The following PDS5A variants were observed in gnomAD, a reference collection of about 807,000 sequenced individuals.
The protein encoded by PDS5A is PDS5 cohesin associated factor A, also known as sister chromatid cohesion protein PDS5 homolog A.
Under a neutral mutation model 167.1 loss-of-function variants are expected in PDS5A, and 42 were observed. That is an observed-to-expected ratio of 0.25 (90% confidence interval 0.20 to 0.33). The LOEUF (loss-of-function observed/expected upper bound fraction) is 0.33, where lower values mean the gene tolerates loss of function less well. Ranked by LOEUF, PDS5A falls within the 10% of genes least tolerant of loss-of-function variation. The probability of loss-of-function intolerance (pLI) is 1.00; values close to 1 mark genes in which losing one functional copy is unlikely to be tolerated. For synonymous variants in PDS5A, 553 were observed against 554.6 expected, an observed-to-expected ratio of 1.00 and a Z score of 0.04; for missense variants, 1,033 against 1,605.9, an observed-to-expected ratio of 0.64 and a Z score of 6.10.
chr4:39,916,354 A>T (rs1177056985), intron 8 of PDS5A, among the ~76,000 whole-genome samples: 9 of 152,184 alleles, frequency 5.9e-5, no homozygotes, highest in Non-Finnish European at 1.3e-4. Flanking sequence ...AGGACAGTCA[A>T]ATTTCTGTCC....
chr4:39,937,377 T>G (rs1352640368), intron 2 of PDS5A, among the ~76,000 whole-genome samples: 1 of 152,160 alleles, frequency 6.6e-6, no homozygotes, highest in Non-Finnish European at 1.5e-5. Context: ...TATTGTTCAG[T>G]AATTCAATTA....
At chr4:39,898,180 T>A in intron 16 of PDS5A, 1 of 1,252,190 alleles carries the variant, frequency 8.0e-7, no homozygotes, top group Non-Finnish European at 1.0e-6. Context: ...CCAATCTCCC[T>A]GGCTTAGTTC....
intron 6 of PDS5A, among the ~76,000 whole-genome samples, 186 bp downstream of exon 6, chr4:39,922,436 A>C (rs1414459171): frequency 6.6e-6 from 1 of 152,212 alleles, no homozygotes; most frequent in East Asian, 1.9e-4. Flanking sequence ...CTCCTACATG[A>C]TATGTTAATC....
At chr4:39,877,663 T>C (rs1342583471) in intron 18 of PDS5A, among the ~76,000 whole-genome samples, 3 of 152,026 alleles carry the variant, frequency 2.0e-5, no homozygotes, top group Non-Finnish European at 2.9e-5. Flanking sequence ...AGGATTTCAC[T>C]CTGTCACCTA....
chr4:39,842,909 T>TTTTATA lies in PDS5A; in HGVS notation c.3549-854_3549-853insTATAAA, dbSNP rs751901010. ...AGAACAATGTAAACTTATCCTATTT[T>TTTTATA]TATATATATATATATATATATATAT... is the stretch of plus-strand genomic sequence containing the variant. On this transcript the variant is annotated intron_variant, in intron 30 of 32. Transcript: ENST00000303538. Among the ~76,000 whole-genome samples the TTTTATA allele has an allele frequency of 4.4e-4, 41 of 92,302 alleles. 1 individual carries two copies. Among genetic ancestry groups the TTTTATA allele is most frequent in the African/African-American group, 2.1e-3 (38 of 18,188 alleles). The allele number at this position is 92,302 out of a possible 152,430, so 60.6% of individuals were successfully genotyped here.
rs71645192 is a variant in PDS5A, at chr4:39,836,615, ATTTTTTT to A, written c.4010+1234_4010+1240del. Among the ~76,000 whole-genome samples the A allele has an allele frequency of 2.9e-3, 310 of 106,128 alleles. 2 individuals are homozygous for A. The highest frequency in any genetic ancestry group is 0.01 in the African/African-American group (269 of 26,734). 69.6% of individuals were successfully genotyped at this position (106,128 alleles called of 152,430 possible). ...ACGACCACACCCGGGATTTTTTTCTATTTTTTTTTTTTTTTTTTTTGTATTTTTAGTA... is the reference window on the plus strand; with the variant it reads ...ACGACCACACCCGGGATTTTTTTCTATTTTTTTTTTTTTGTATTTTTAGTA... On this transcript the variant is annotated intron_variant, in intron 32 of 32. Transcript: ENST00000303538.
chr4:39,972,331 C>T (rs986830860), intron 2 of PDS5A, among the ~76,000 whole-genome samples: 1 of 152,200 alleles, frequency 6.6e-6, no homozygotes, highest in Non-Finnish European at 1.5e-5. Flanking sequence ...ACCAGCCTGA[C>T]CAACATAGTG....
At chr4:39,847,101 G>T (rs1429174250) in intron 28 of PDS5A, 1 of 151,716 alleles carries the variant, frequency 6.6e-6, no homozygotes. Context: ...AACCTAAGTT[G>T]TTATTATTAA....
intron 32 of PDS5A, among the ~76,000 whole-genome samples, chr4:39,831,875 C>CAAAAAAAAAAAAAAAAAAAAAAAAAAAAA: frequency 3.9e-5 from 1 of 25,936 alleles, no homozygotes; most frequent in East Asian, 1.2e-3. Flanking sequence ...AAACTCGTCT[C>CAAAAAAAAAAAAAAAAAAAAAAAAAAAAA]AAAAAAAAAA....
At chr4:39,871,604 C>T (rs934781089) in intron 21 of PDS5A, among the ~76,000 whole-genome samples, 3 of 152,182 alleles carry the variant, frequency 2.0e-5, no homozygotes, top group African/African-American at 4.8e-5. Context: ...CAAACTAACA[C>T]TTAAATGAAA....
intron 2 of PDS5A, among the ~76,000 whole-genome samples, chr4:39,975,724 C>A (rs959710636): frequency 3.9e-5 from 6 of 152,182 alleles, no homozygotes; most frequent in African/African-American, 1.4e-4. Flanking sequence ...GTTGCCCTGA[C>A]TCAGAACCAC....
At chr4:39,976,763 G>T in intron 1 of PDS5A, 146 bp from the exon 2 acceptor site, 3 of 477,520 alleles carry the variant, frequency 6.3e-6, no homozygotes, top group Non-Finnish European at 1.1e-5. Context: ...TCTTTCCCAG[G>T]GATCGAACCC....
At chr4:39,961,352 G>A (rs1729462059) in intron 2 of PDS5A, among the ~76,000 whole-genome samples, 1 of 151,928 alleles carries the variant, frequency 6.6e-6, no homozygotes, top group African/African-American at 2.4e-5. Context: ...AGGCTGAAGG[G>A]TAGTGGCGCC....
intron 29 of PDS5A, 26 bp from the exon 30 acceptor site, chr4:39,844,827 C>G (rs1380861068): frequency 6.3e-7 from 1 of 1,584,904 alleles, no homozygotes. Context: ...AAAAACCCCC[C>G]AAAAACACAC....
intron 17 of PDS5A, among the ~76,000 whole-genome samples, chr4:39,884,676 T>C (rs1380635431): frequency 6.6e-6 from 1 of 152,184 alleles, no homozygotes; most frequent in Non-Finnish European, 1.5e-5. Context: ...CTTTCCCAAT[T>C]TTCTGCTTTT....
chr4:39,976,275 C>A, intron 2 of PDS5A, 165 bp downstream of exon 2: 1 of 523,928 alleles, frequency 1.9e-6, no homozygotes. Context: ...GGTTATATCC[C>A]TACAAAACTC....
intron 20 of PDS5A, 117 bp from the exon 21 acceptor site, chr4:39,873,261 C>T (rs1720198768): frequency 6.2e-6 from 3 of 481,168 alleles, no homozygotes; most frequent in Non-Finnish European, 7.0e-6. Flanking sequence ...CCAATCTTCT[C>T]TAATACGATC....
At chr4:39,926,710 T>C (rs1725501529) in intron 4 of PDS5A, 65 bp downstream of exon 4, 2 of 1,108,248 alleles carry the variant, frequency 1.8e-6, no homozygotes, top group South Asian at 3.7e-5. Context: ...ATTACAAAGT[T>C]AACATGAAGA....
intron 22 of PDS5A, among the ~76,000 whole-genome samples, chr4:39,868,145 TTTACATC>T (rs765341242): frequency 2.4e-4 from 36 of 152,248 alleles, no homozygotes; most frequent in South Asian, 8.3e-4. Context: ...TCAACTGAGC[TTTACATC>T]TATTAAATGT....
Sources: gnomAD v4.1 joint callset for allele counts (sites outside exome capture counted in the v4.1 genomes callset) on GRCh38, gnomAD v4.1.1 for gene constraint, MANE v1.5 for transcripts, NCBI Gene and HGNC (gene_info 2026-07-23, HGNC 2026-07-21) for gene names.